Variants in TNFSF13B observed in about 807,000 individuals in gnomAD.
TNFSF13B encodes tumor necrosis factor ligand superfamily member 13B.
Under a neutral mutation model 29.1 loss-of-function variants are expected in TNFSF13B, and 8 were observed. That is an observed-to-expected ratio of 0.27 (90% CI 0.16 to 0.50). The LOEUF is 0.50. Ranked by LOEUF, TNFSF13B falls within the 20% of genes least tolerant of loss-of-function variation. TNFSF13B has a pLI of 0.98. For missense variants in TNFSF13B, 248 were observed against 334.9 expected, an observed-to-expected ratio of 0.74 and a Z score of 2.03; for synonymous variants, 125 against 130.8, an observed-to-expected ratio of 0.96 and a Z score of 0.30.
chr13:108,283,550 A>T (rs1441187328), intron 2 of TNFSF13B, among the ~76,000 whole-genome samples: 4 of 152,222 alleles, frequency 2.6e-5, no homozygotes, highest in Non-Finnish European at 5.9e-5. Flanking sequence ...TGTGGAGACT[A>T]AAAAGGAGAC....
At chr13:108,271,923 A>G (rs1880631632) in intron 2 of TNFSF13B, among the ~76,000 whole-genome samples, 1 of 152,132 alleles carries the variant, frequency 6.6e-6, no homozygotes, top group Non-Finnish European at 1.5e-5. Flanking sequence ...GTGAAATTAT[A>G]TATTCAATAT....
At chr13:108,302,506 C>G (rs1216737485) in intron 3 of TNFSF13B, among the ~76,000 whole-genome samples, 1 of 145,880 alleles carries the variant, frequency 6.9e-6, no homozygotes, top group African/African-American at 2.6e-5. Flanking sequence ...GATGTCTGAA[C>G]GCACCTACAG....
intron 2 of TNFSF13B, among the ~76,000 whole-genome samples, chr13:108,275,851 T>C (rs926027602): frequency 6.6e-6 from 1 of 152,228 alleles, no homozygotes; most frequent in African/African-American, 2.4e-5. Context: ...TTTCTACTAA[T>C]GATTTTATGT....
intron 2 of TNFSF13B, among the ~76,000 whole-genome samples, chr13:108,284,950 C>G (rs1881080789): frequency 6.6e-6 from 1 of 152,200 alleles, no homozygotes; most frequent in Non-Finnish European, 1.5e-5. Flanking sequence ...TGTCCTCATT[C>G]ACTACCATTC....
intron 3 of TNFSF13B, among the ~76,000 whole-genome samples, chr13:108,292,610 T>G (rs1881350333): frequency 6.6e-6 from 1 of 152,170 alleles, no homozygotes; most frequent in South Asian, 2.1e-4. Flanking sequence ...TCAATGTTTT[T>G]ATTAGTATTG....
Position 108,303,483 on chromosome 13 carries a change from G to A in TNFSF13B, c.624G>A (p.Met208Ile). Residue 208 changes from methionine (M) to isoleucine (I), a missense_variant, in exon 5 of 6, where the codon ATG becomes ATA. Physicochemically the swap from Met to Ile is conservative, Grantham distance 10 (BLOSUM62 1). This residue lies in a region of TNFSF13B where 62 missense variants were observed against 138.6 expected (regional missense o/e 0.45). Transcript: ENST00000375887. ...TATATACTGATAAGACCTACGCCAT[G>A]GGACATCTAATTCAGAGGAAGAAGG... is the stretch of plus-strand genomic sequence containing the variant. ...QVLYTDKTYA[M>I]GHLIQRKKVH... is the part of the protein sequence containing the mutation. 6.2e-7 allele frequency: 1 copy of A among 1,613,456 alleles called. No individual in the cohort carries two copies. Among genetic ancestry groups the A allele is most frequent in the Non-Finnish European group, 8.5e-7 (1 of 1,179,734 alleles).
chr13:108,270,451 G>A (rs2139037241), intron 2 of TNFSF13B, 27 bp downstream of exon 2: 24 of 1,602,532 alleles, frequency 1.5e-5, no homozygotes, highest in Non-Finnish European at 2.0e-5. Flanking sequence ...GACACTTTTA[G>A]GAGTCAGGGA....
chr13:108,301,239 A>G (rs1158042899), intron 3 of TNFSF13B: 1 of 152,216 alleles, frequency 6.6e-6, no homozygotes, highest in Non-Finnish European at 1.5e-5. Context: ...TGTCAAAGAG[A>G]TATCTCTCAT....
Position 108,308,172 on chromosome 13 carries a change from C to G in TNFSF13B, c.*1234C>G, listed in dbSNP as rs1373737537. 6.6e-6 allele frequency: 1 copy of G among 151,944 alleles called. No individual in the cohort carries two copies. The highest frequency in any genetic ancestry group is 1.5e-5 in the Non-Finnish European group (1 of 67,962). The allele number at this position is 151,944 out of a possible 1,614,324, so 9.4% of individuals were successfully genotyped here. A position where few individuals can be genotyped will look rare whatever the true frequency, so the allele number is the denominator to read the frequency against. ...TAAACAGTAGGTGGAAAAATAGATG[C>G]CAGTCTATGAAAATCTTCCCATCTA... On this transcript the variant is annotated 3_prime_UTR_variant, in exon 6 of 6. Coordinates refer to ENST00000375887, the MANE Select transcript of TNFSF13B (RefSeq NM_006573.5).
chr13:108,277,827 T>C (rs1360330593), intron 2 of TNFSF13B, among the ~76,000 whole-genome samples: 4 of 152,118 alleles, frequency 2.6e-5, no homozygotes, highest in Non-Finnish European at 5.9e-5. Context: ...CATCTTGGTT[T>C]TGGTGGGTTT....
intron 3 of TNFSF13B, chr13:108,302,997 C>T: frequency 2.1e-6 from 1 of 485,288 alleles, no homozygotes; most frequent in African/African-American, 2.0e-5. Context: ...AAAGGGAAAA[C>T]CCAGACATTC....
At chr13:108,278,578 C>CTCCTCCTCCCCT (rs1566399260) in intron 2 of TNFSF13B, among the ~76,000 whole-genome samples, 2 of 1,648 alleles carry the variant, frequency 1.2e-3, no homozygotes, top group Non-Finnish European at 1.3e-3. Context: ...ACCCCCTCCT[C>CTCCTCCTCCCCT]TCCTCCTCCT....
At chr13:108,272,697 G>C (rs1355580457) in intron 2 of TNFSF13B, among the ~76,000 whole-genome samples, 1 of 151,180 alleles carries the variant, frequency 6.6e-6, no homozygotes, top group Non-Finnish European at 1.5e-5. Flanking sequence ...TTTTTTAATT[G>C]ATTATTCTAT....
chr13:108,270,950 T>TACACACACACACACACAC (rs138902471), intron 2 of TNFSF13B, among the ~76,000 whole-genome samples: 28 of 150,474 alleles, frequency 1.9e-4, no homozygotes, highest in African/African-American at 6.6e-4. Flanking sequence ...AAGGTTATTT[T>TACACACACACACACACAC]ACACACACAC....
chr13:108,303,747 TA>T lies in TNFSF13B; in HGVS notation c.745+146del, dbSNP rs1203653548. On this transcript the variant is annotated intron_variant, in intron 5 of 5. Transcript: ENST00000375887. The stretch of plus-strand genomic sequence containing the variant: ...ACATTCCTCAATATATTGTGTTTTT[TA>T]AATCTTGAATAATAAGCTAGTCTGT... The T allele has an allele frequency of 1.4e-5, 12 of 854,968 alleles. No individual in the cohort carries two copies. In the African/African-American group the frequency reaches 2.1e-4, roughly 15 times the overall value. The allele number at this position is 854,968 out of a possible 1,614,324, so 53.0% of individuals were successfully genotyped here. A position where few individuals can be genotyped will look rare whatever the true frequency, so the allele number is the denominator to read the frequency against.
At chr13:108,303,693 G>A in intron 5 of TNFSF13B, 89 bp downstream of exon 5, 2 of 1,361,532 alleles carry the variant, frequency 1.5e-6, no homozygotes, top group Non-Finnish European at 2.0e-6. Flanking sequence ...ATGAAAGGAT[G>A]GTGCCCTAAA....
intron 2 of TNFSF13B, among the ~76,000 whole-genome samples, chr13:108,283,256 A>G (rs144022234): frequency 2.0e-5 from 3 of 152,372 alleles, no homozygotes; most frequent in African/African-American, 7.2e-5. Flanking sequence ...GGAAAAGTCG[A>G]GTAACTTTGT....
intron 5 of TNFSF13B, among the ~76,000 whole-genome samples, chr13:108,305,637 C>G (rs1358838927): frequency 6.6e-6 from 1 of 152,108 alleles, no homozygotes; most frequent in Non-Finnish European, 1.5e-5. Flanking sequence ...TCCTCAAAGG[C>G]TTTGTCAATT....
chr13:108,285,072 A>C (rs1035887472), intron 2 of TNFSF13B, among the ~76,000 whole-genome samples: 1 of 152,208 alleles, frequency 6.6e-6, no homozygotes, highest in Non-Finnish European at 1.5e-5. Flanking sequence ...GTATAAGATT[A>C]ATAAAAGAAT....
Sources: gnomAD v4.1 joint callset for allele counts (sites outside exome capture counted in the v4.1 genomes callset) on GRCh38, gnomAD v4.1.1 for gene constraint, gnomAD v4.1.1 regional missense constraint, MANE v1.5 for transcripts, NCBI Gene and HGNC (gene_info 2026-07-23, HGNC 2026-07-21) for gene names.